PHF21B: variants seen among roughly 807,000 people sequenced by gnomAD.
PHF21B encodes the protein PHD finger protein 4.
In PHF21B, 22 loss-of-function variants were observed where a neutral mutation model predicts 62.2. The ratio of observed to expected loss-of-function variants is 0.35; its 90% CI spans 0.25 to 0.51. The LOEUF is 0.51. Ranked by LOEUF, PHF21B falls within the 20% of genes least tolerant of loss-of-function variation. PHF21B has a pLI of 0.97. For missense variants in PHF21B, 701 were observed against 707.9 expected (o/e 0.99, Z 0.11); for synonymous variants, 341 against 314.7 (o/e 1.08, Z -0.88).
intron 10 of PHF21B, among the ~76,000 whole-genome samples, chr22:44,887,017 G>A (rs1315521260): frequency 1.3e-5 from 2 of 151,860 alleles, no homozygotes; most frequent in Non-Finnish European, 2.9e-5. Flanking sequence ...TTAGCCAGGA[G>A]TGGTGGCGCA....
At chr22:44,957,947 G>C (rs1297154100) in intron 2 of PHF21B, among the ~76,000 whole-genome samples, 1 of 151,104 alleles carries the variant, frequency 6.6e-6, no homozygotes, top group East Asian at 1.9e-4. Context: ...TTGTTGCCCA[G>C]GCTGGAGTGC....
At chr22:44,928,540 G>C (rs140138839) in intron 2 of PHF21B, among the ~76,000 whole-genome samples, 1 of 152,076 alleles carries the variant, frequency 6.6e-6, no homozygotes, top group Non-Finnish European at 1.5e-5. Context: ...CTCCCGAGTA[G>C]CTGGGATTAC....
intron 5 of PHF21B, among the ~76,000 whole-genome samples, chr22:44,896,878 C>CTTTTTTTT (rs1439624625): frequency 5.4e-5 from 2 of 37,324 alleles, no homozygotes; most frequent in African/African-American, 1.7e-4. Flanking sequence ...TTAGTTTTAT[C>CTTTTTTTT]TGTTTTTTTT....
chr22:45,006,784 T>C (rs1432365041), intron 2 of PHF21B, among the ~76,000 whole-genome samples: 2 of 152,124 alleles, frequency 1.3e-5, no homozygotes, highest in Non-Finnish European at 2.9e-5. Context: ...GTCAACAACT[T>C]GCCGTTTTAC....
intron 10 of PHF21B, 65 bp from the exon 11 acceptor site, chr22:44,886,003 C>A: frequency 6.6e-7 from 1 of 1,506,488 alleles, no homozygotes; most frequent in Non-Finnish European, 9.1e-7. Context: ...CTGTCCACAC[C>A]CTGGCTGTGT....
chr22:44,888,339 C>A (rs1601564441), intron 9 of PHF21B, among the ~76,000 whole-genome samples: 1 of 152,154 alleles, frequency 6.6e-6, no homozygotes, highest in Admixed American at 6.5e-5. Flanking sequence ...ACCCACAGGG[C>A]CAGATTTACT....
Position 44,885,416 on chromosome 22 carries a change from C to CG in PHF21B, c.1377+9dup. 5 of 1,564,974 alleles carry CG rather than the reference C, an allele frequency of 3.2e-6. No individual in the cohort carries two copies. Among genetic ancestry groups the CG allele is most frequent in the Non-Finnish European group, 4.3e-6 (5 of 1,157,908 alleles). ...GCTGAGGCCAGCCTCCCCCAGGCCC[C>CG]GGGGCACACCTGCACTGCTGACGCC... On this transcript the variant is annotated intron_variant, in intron 12 of 12. Transcript: ENST00000313237.
At chr22:45,008,430 A>AC (rs988134085) in intron 2 of PHF21B, 115 bp downstream of exon 2, 135 of 963,530 alleles carry the variant, frequency 1.4e-4, no homozygotes, top group Middle Eastern at 6.4e-4. Context: ...CTGGAGACAG[A>AC]CCCCTCTGGG....
chr22:44,941,673 G>T (rs1284259146), intron 2 of PHF21B, among the ~76,000 whole-genome samples: 1 of 152,162 alleles, frequency 6.6e-6, no homozygotes, highest in African/African-American at 2.4e-5. Flanking sequence ...GTCACTTTAA[G>T]CCTCTGCCTC....
intron 5 of PHF21B, among the ~76,000 whole-genome samples, chr22:44,905,224 GCTC>G (rs1324771780): frequency 6.6e-6 from 1 of 152,190 alleles, no homozygotes; most frequent in Non-Finnish European, 1.5e-5. Context: ...GTCCCTGCCT[GCTC>G]CTATTTTTTC....
chr22:44,945,984 A>G (rs2072061222), intron 2 of PHF21B, among the ~76,000 whole-genome samples: 1 of 151,982 alleles, frequency 6.6e-6, no homozygotes, highest in African/African-American at 2.4e-5. Context: ...CAAGTCACCC[A>G]CTTACTCCCC....
At chr22:45,000,816 AG>A (rs910978272) in intron 2 of PHF21B, 15 of 152,160 alleles carry the variant, frequency 9.9e-5, no homozygotes, top group African/African-American at 3.4e-4. Flanking sequence ...GAGCCCGGGC[AG>A]GGGGGTGGTT....
At chr22:44,885,995 G>A (rs2070850821) in intron 10 of PHF21B, 57 bp from the exon 11 acceptor site, 1 of 1,535,064 alleles carries the variant, frequency 6.5e-7, no homozygotes, top group South Asian at 1.1e-5. Flanking sequence ...TGCTGGGACT[G>A]TCCACACCCT....
chr22:44,919,465 A>G (rs986470367), intron 3 of PHF21B, among the ~76,000 whole-genome samples: 3 of 152,208 alleles, frequency 2.0e-5, no homozygotes, highest in African/African-American at 7.2e-5. Context: ...CAGGGAAACC[A>G]AAAGATTGGA....
At chr22:44,976,312 G>C (rs2072737744) in intron 2 of PHF21B, among the ~76,000 whole-genome samples, 1 of 151,958 alleles carries the variant, frequency 6.6e-6, no homozygotes, top group Admixed American at 6.6e-5. Context: ...TTATTTCTTT[G>C]TGGTGAGAAC....
At chr22:44,946,337 T>G (rs1312451390) in intron 2 of PHF21B, among the ~76,000 whole-genome samples, 3 of 152,116 alleles carry the variant, frequency 2.0e-5, no homozygotes, top group African/African-American at 7.2e-5. Context: ...ACCAGCACCT[T>G]CTATGCCCTC....
intron 2 of PHF21B, among the ~76,000 whole-genome samples, chr22:44,984,205 A>G (rs1261653796): frequency 1.4e-5 from 2 of 145,800 alleles, no homozygotes; most frequent in Non-Finnish European, 3.0e-5. Context: ...CACCACTACC[A>G]CCATCATCAC....
At chr22:44,982,268 G>A (rs1237770049) in intron 2 of PHF21B, among the ~76,000 whole-genome samples, 1 of 152,220 alleles carries the variant, frequency 6.6e-6, no homozygotes, top group Admixed American at 6.5e-5. Flanking sequence ...GTGAGTGAAT[G>A]ACCCAGTATG....
At chr22:44,946,074 G>A (rs545886762) in intron 2 of PHF21B, among the ~76,000 whole-genome samples, 7 of 149,856 alleles carry the variant, frequency 4.7e-5, no homozygotes, top group South Asian at 2.1e-4. Flanking sequence ...GGCCTCCACC[G>A]GCTCATCAGG....
Sources: allele counts gnomAD v4.1 joint callset (sites outside exome capture counted in the v4.1 genomes callset), GRCh38; gene constraint gnomAD v4.1.1; transcripts MANE v1.5; gene names NCBI Gene and HGNC (gene_info 2026-07-23, HGNC 2026-07-21).